Variants in TRIO observed in about 807,000 individuals in gnomAD.
TRIO encodes the protein trio Rho guanine nucleotide exchange factor, also known as triple functional domain protein.
TRIO carries 58 observed loss-of-function variants against 351.9 expected under a neutral mutation model. The ratio of observed to expected loss-of-function variants is 0.16; its 90% CI spans 0.13 to 0.21. TRIO has a LOEUF of 0.21. Among genes scored for constraint, TRIO ranks in the 10% least tolerant of loss-of-function variants. TRIO has a pLI of 1.00. For synonymous variants in TRIO, 1,758 were observed against 1,595.7 expected (o/e 1.10, Z -2.42); for missense variants, 3,201 against 4,027.8 (o/e 0.79, Z 5.56).
At position 14,293,034 on chromosome 5, in the gene TRIO, A is replaced by G. The variant is rs766600736; in HGVS notation, c.1076A>G (p.Asn359Ser). The change falls in exon 6 of 57, where the codon AAC (asparagine) becomes AGC (serine). Residue 359 changes from asparagine (N) to serine (S), a missense_variant. Physicochemically the swap from Asn to Ser is conservative, Grantham distance 46. Around this residue, in one of 19 missense-constraint regions of TRIO, gnomAD observed 349 missense variants for 449.3 expected, o/e 0.78. Coordinates refer to ENST00000344204, the MANE Select transcript of TRIO (RefSeq NM_007118.4). ...TAGATGTTTGACTGGATCACACACAACAAAGGCCTGTTTCTAAACAGCTAC... is the reference window on the plus strand; with the variant it reads ...TAGATGTTTGACTGGATCACACACAGCAAAGGCCTGTTTCTAAACAGCTAC... ...AEKMFDWITH[N>S]KGLFLNSYTE... 6.2e-7 allele frequency: 1 copy of G among 1,614,010 alleles called. No homozygotes were observed. Among genetic ancestry groups the G allele is most frequent in the African/African-American group, 1.3e-5 (1 of 74,924 alleles).
At chr5:14,360,138 CAA>C (rs1235073170) in intron 13 of TRIO, among the ~76,000 whole-genome samples, 1 of 152,090 alleles carries the variant, frequency 6.6e-6, no homozygotes, top group Admixed American at 6.5e-5. Context: ...TTTTAGGTAA[CAA>C]AAAACACAAT....
Position 14,388,598 on chromosome 5 carries a change from C to T in TRIO, c.3882-15C>T, listed in dbSNP as rs2152362558. 2.5e-6 allele frequency: 4 copies of T among 1,610,902 alleles called. No individual in the cohort carries two copies. The highest frequency in any genetic ancestry group is 2.2e-5 in the East Asian group (1 of 44,834). On this transcript the variant is annotated splice_polypyrimidine_tract_variant and intron_variant, in intron 23 of 56. Transcript: ENST00000344204. ...GCACCCTGACTGTACTCCTCACTGTCTTCCTCTCTTTAAGGTTCATAATGG... is the reference window on the plus strand; with the variant it reads ...GCACCCTGACTGTACTCCTCACTGTTTTCCTCTCTTTAAGGTTCATAATGG...
In TRIO at chr5:14,315,251, CT is replaced by C. The variant is rs761690853; in HGVS notation, c.1501-1245del. On this transcript the variant is annotated intron_variant, in intron 8 of 56. Coordinates refer to ENST00000344204, the MANE Select transcript of TRIO (RefSeq NM_007118.4). ...TAAAAGTGCCCCTGAACTTGCTCCT[CT>C]TTTTTTTTTTTTTTTTGAGATGGAG... Among the ~76,000 whole-genome samples the C allele has an allele frequency of 4.8e-3, 657 of 137,570 alleles. 1 individual carries two copies. Among genetic ancestry groups the C allele is most frequent in the African/African-American group, 0.013 (492 of 37,050 alleles). 90.3% of individuals were successfully genotyped at this position (137,570 alleles called of 152,430 possible). A position where few individuals can be genotyped will look rare whatever the true frequency, so the allele number is the denominator to read the frequency against.
intron 52 of TRIO, 78 bp downstream of exon 52, chr5:14,498,329 T>C: frequency 6.4e-7 from 1 of 1,567,704 alleles, no homozygotes; most frequent in Non-Finnish European, 8.7e-7. Context: ...AATTCCTCCT[T>C]CACGGATGGA....
chr5:14,185,630 G>GGCTGA (rs1425453572), intron 1 of TRIO, among the ~76,000 whole-genome samples: 5 of 152,192 alleles, frequency 3.3e-5, no homozygotes, highest in African/African-American at 1.2e-4. Flanking sequence ...GGTGGGGAGG[G>GGCTGA]GCTGAAGGAT....
At chr5:14,164,833 C>G (rs1788673780) in intron 1 of TRIO, among the ~76,000 whole-genome samples, 1 of 152,340 alleles carries the variant, frequency 6.6e-6, no homozygotes, top group Admixed American at 6.5e-5. Flanking sequence ...TCCAATTCAG[C>G]TCTTTACATA....
In TRIO at chr5:14,143,707, C is replaced by G; in HGVS notation, c.-19C>G. ...GCGCGGGGCCCGAGGCGGGCGCGGC[C>G]GCGGGCGCCGCCGCAGCCATGAGCG... On this transcript the variant is annotated 5_prime_UTR_variant, in exon 1 of 57. Transcript: ENST00000344204. 9.2e-6 allele frequency: 9 copies of G among 974,986 alleles called. No homozygotes were observed. The highest frequency in any genetic ancestry group is 1.1e-5 in the Non-Finnish European group (9 of 824,420). 60.4% of individuals were successfully genotyped at this position (974,986 alleles called of 1,614,324 possible).
chr5:14,497,983 A>G lies in TRIO; in HGVS notation c.8048-106A>G. 5 of 1,609,342 alleles carry G rather than the reference A, an allele frequency of 3.1e-6. No homozygotes were observed. The highest frequency in any genetic ancestry group is 4.3e-6 in the Non-Finnish European group (5 of 1,176,016). On this transcript the variant is annotated intron_variant, in intron 51 of 56. Coordinates refer to ENST00000344204, the MANE Select transcript of TRIO (RefSeq NM_007118.4). This position sits in a 1 kb window ranked among gnomAD's most constrained non-coding sequence, Gnocchi z 4.4. ...GGAAATGAGTTTTCCGTGGCGCTCT[A>G]GGCGTGCATAGCAGGTTAGGTCCTA...
At chr5:14,472,794 T>A in intron 39 of TRIO, 136 bp downstream of exon 39, 1 of 919,824 alleles carries the variant, frequency 1.1e-6, no homozygotes, top group East Asian at 2.8e-5. Context: ...ACCAACGATG[T>A]ATTTCCGAAA....
At chr5:14,165,398 T>G (rs1475906682) in intron 1 of TRIO, among the ~76,000 whole-genome samples, 1 of 152,236 alleles carries the variant, frequency 6.6e-6, no homozygotes, top group African/African-American at 2.4e-5. Flanking sequence ...ATTAAGATTA[T>G]GGCCTCCAGT....
chr5:14,262,651 C>A (rs528270387), intron 1 of TRIO, among the ~76,000 whole-genome samples: 7 of 152,186 alleles, frequency 4.6e-5, no homozygotes, highest in Admixed American at 1.3e-4. Context: ...AGGGGTGCTT[C>A]ATGGGACTGT....
intron 55 of TRIO, 144 bp downstream of exon 55, chr5:14,504,737 C>G (rs1032443959): frequency 1.9e-6 from 2 of 1,054,564 alleles, no homozygotes; most frequent in Admixed American, 2.7e-5. Flanking sequence ...TGTCAGAGCC[C>G]GCAGTTTTCA....
At chr5:14,242,234 C>T (rs997390783) in intron 1 of TRIO, among the ~76,000 whole-genome samples, 2 of 152,208 alleles carry the variant, frequency 1.3e-5, no homozygotes, top group African/African-American at 2.4e-5. Flanking sequence ...TCATGTTTTC[C>T]GTTGACTAAC....
intron 2 of TRIO, among the ~76,000 whole-genome samples, chr5:14,278,589 A>G (rs927537385): frequency 3.3e-5 from 5 of 152,158 alleles, no homozygotes; most frequent in African/African-American, 1.2e-4. Flanking sequence ...GTGTTGATCT[A>G]TGATAATTTC....
In TRIO at chr5:14,487,823, G is replaced by C; in HGVS notation, c.7195G>C (p.Ala2399Pro). 6.7e-7 allele frequency: 1 copy of C among 1,486,476 alleles called. No homozygotes were observed. Among genetic ancestry groups the C allele is most frequent in the South Asian group, 1.3e-5 (1 of 78,862 alleles). The allele number at this position is 1,486,476 out of a possible 1,614,324, so 92.1% of individuals were successfully genotyped here. The change falls in exon 48 of 57, where the codon GCC becomes CCC. Residue 2399 changes from alanine to proline, a missense_variant. This residue lies in a region of TRIO where 1,089 missense variants were observed against 954.9 expected (regional missense o/e 1.14). Transcript: ENST00000344204. ...CAGCAGGCGGCCCCCCGGCGCGGAC[G>C]CCGAGGGGTCCGAGCGAGAAGCGGA... ...APSRRPPGAD[A>P]EGSEREAEPI...
chr5:14,410,893 T>C (rs921409879), intron 33 of TRIO, among the ~76,000 whole-genome samples: 1 of 152,198 alleles, frequency 6.6e-6, no homozygotes, highest in Non-Finnish European at 1.5e-5. Flanking sequence ...AAAACATCAG[T>C]TTTAAAATAT....
At chr5:14,206,305 C>T (rs1791453054) in intron 1 of TRIO, among the ~76,000 whole-genome samples, 1 of 152,234 alleles carries the variant, frequency 6.6e-6, no homozygotes, top group Non-Finnish European at 1.5e-5. Context: ...AAGCAGTCCA[C>T]TTGCCTAGGC....
chr5:14,323,322 A>C (rs1483524550), intron 9 of TRIO, among the ~76,000 whole-genome samples: 2 of 152,186 alleles, frequency 1.3e-5, no homozygotes, highest in Admixed American at 1.3e-4. Context: ...TGGCAGAAGC[A>C]CCGAGAACCT....
intron 1 of TRIO, among the ~76,000 whole-genome samples, chr5:14,169,197 C>CTT (rs3994005): frequency 5.0e-5 from 7 of 140,432 alleles, no homozygotes; most frequent in South Asian, 2.2e-4. Flanking sequence ...ATAAAACTGC[C>CTT]TTTTTTTTTT....
Sources: allele counts gnomAD v4.1 joint callset (sites outside exome capture counted in the v4.1 genomes callset), GRCh38; gene constraint gnomAD v4.1.1; regional missense constraint gnomAD v4.1.1; non-coding constraint Gnocchi (gnomAD v3.1); transcripts MANE v1.5; gene names NCBI Gene and HGNC (gene_info 2026-07-23, HGNC 2026-07-21).